DDX60L: variants seen among roughly 807,000 people sequenced by gnomAD.
DDX60L encodes the protein probable ATP-dependent RNA helicase DDX60-like.
A neutral mutation model predicts 211.6 loss-of-function variants in DDX60L; 191 were observed. That is an observed-to-expected ratio of 0.90 (90% CI 0.80 to 1.02). The LOEUF is 1.02. Ranked by LOEUF, DDX60L falls within the 50% of genes least tolerant of loss-of-function variation. DDX60L has a pLI of 0.00. For missense variants in DDX60L, 2,007 were observed against 1,984.1 expected (o/e 1.01, Z -0.22); for synonymous variants, 706 against 694.1 (o/e 1.02, Z -0.27).
intron 20 of DDX60L, 77 bp downstream of exon 20, chr4:168,416,605 A>T: frequency 1.3e-6 from 1 of 774,852 alleles, no homozygotes; most frequent in Non-Finnish European, 1.9e-6. Context: ...AAAAAACCTT[A>T]AAGACTTCAG....
chr4:168,375,465 T>C lies in DDX60L; in HGVS notation c.4545A>G (p.Ala1515=), dbSNP rs749928452. 6.2e-7 allele frequency: 1 copy of C among 1,613,124 alleles called. No homozygotes were observed. Reference sequence around the variant, plus strand: ...GGAAGGAGGCAAAATCCTTCATTACTGCCAGGTTATACTCATATAAAGCAG... The same window carrying C: ...GGAAGGAGGCAAAATCCTTCATTACCGCCAGGTTATACTCATATAAAGCAG... ...FKAALYEYNL[A]VMKDFASFLL... Residue 1515 remains alanine (A), a synonymous_variant, in exon 34 of 38, where the codon GCA becomes GCG. Coordinates refer to ENST00000682922, the MANE Select transcript of DDX60L (RefSeq NM_001012967.3).
At chr4:168,427,445 C>A in intron 13 of DDX60L, 123 bp from the exon 14 acceptor site, 6 of 1,058,558 alleles carry the variant, frequency 5.7e-6, no homozygotes, top group Non-Finnish European at 6.7e-6. Context: ...CGTGCACAGG[C>A]AAGAATTCTT....
At chr4:168,388,688 A>AT (rs1744296172) in intron 29 of DDX60L, among the ~76,000 whole-genome samples, 1 of 152,210 alleles carries the variant, frequency 6.6e-6, no homozygotes, top group Non-Finnish European at 1.5e-5. Context: ...CTAGGACCAG[A>AT]TTCCCCCATA....
intron 9 of DDX60L, among the ~76,000 whole-genome samples, chr4:168,443,332 G>A (rs1419410010): frequency 2.0e-5 from 3 of 151,930 alleles, no homozygotes; most frequent in Admixed American, 1.3e-4. Flanking sequence ...AGAGAAAAAA[G>A]AATAAAAAGA....
intron 30 of DDX60L, among the ~76,000 whole-genome samples, chr4:168,383,517 T>C (rs552369983): frequency 6.6e-6 from 1 of 152,344 alleles, no homozygotes; most frequent in East Asian, 1.9e-4. Flanking sequence ...TAACATTGAT[T>C]TGTGATTGGC....
intron 4 of DDX60L, chr4:168,468,796 C>G (rs891083293): frequency 3.3e-5 from 5 of 152,004 alleles, no homozygotes; most frequent in Non-Finnish European, 7.4e-5. Context: ...AGTTAACAAA[C>G]AAAAATCAAT....
chr4:168,361,038 A>G, intron 37 of DDX60L, 111 bp downstream of exon 37: 2 of 793,234 alleles, frequency 2.5e-6, no homozygotes, highest in South Asian at 1.7e-5. Context: ...GCTCAATAGT[A>G]TCTTCAGAGT....
In DDX60L at chr4:168,419,305, A is replaced by G; in HGVS notation, c.2607T>C (p.Asp869=). The change falls in exon 19 of 38, where the codon GAT becomes GAC. Residue 869 remains aspartate, a synonymous_variant. Transcript: ENST00000682922. ...AGAGAACTAACACCAAACCTACCTC[A>G]TCAAATATAACATATCTGATCCTTT... ...WVERIRYVIF[D]EVHYLGREVG... 1.3e-6 allele frequency: 2 copies of G among 1,588,602 alleles called. No individual in the cohort carries two copies. Among genetic ancestry groups the G allele is most frequent in the Non-Finnish European group, 1.7e-6 (2 of 1,165,332 alleles).
chr4:168,404,471 A>C (rs1025858172), intron 24 of DDX60L, among the ~76,000 whole-genome samples: 24 of 152,216 alleles, frequency 1.6e-4, no homozygotes, highest in Admixed American at 1.2e-3. Context: ...TATGTTAAGG[A>C]GTATATAAAA....
chr4:168,408,254 C>A (rs4692658), intron 22 of DDX60L, among the ~76,000 whole-genome samples: 83,796 of 151,988 alleles, frequency 0.55, 23,577 homozygotes, highest in Middle Eastern at 0.63. Context: ...TTTCCCGTCT[C>A]TAAAATGGGA....
intron 9 of DDX60L, among the ~76,000 whole-genome samples, chr4:168,447,664 C>T (rs1259588792): frequency 1.7e-4 from 26 of 151,194 alleles, no homozygotes; most frequent in African/African-American, 4.6e-4. Context: ...TAAGAAAATG[C>T]GGCACATATA....
At chr4:168,371,977 A>G (rs549035629) in intron 35 of DDX60L, among the ~76,000 whole-genome samples, 35 of 152,314 alleles carry the variant, frequency 2.3e-4, no homozygotes, top group African/African-American at 7.5e-4. Context: ...GGCCACTGTG[A>G]CACTAAGCAT....
intron 11 of DDX60L, 31 bp from the exon 12 acceptor site, chr4:168,432,601 T>C: frequency 7.4e-7 from 1 of 1,342,374 alleles, no homozygotes; most frequent in Non-Finnish European, 1.0e-6. Context: ...TTTTTTTAAA[T>C]TTTAAGCTTT....
At chr4:168,399,663 T>C (rs1579384607) in intron 26 of DDX60L, among the ~76,000 whole-genome samples, 2 of 151,782 alleles carry the variant, frequency 1.3e-5, no homozygotes, top group Non-Finnish European at 2.9e-5. Context: ...AAATAACAAA[T>C]GGCAAGGACC....
chr4:168,474,545 A>T (rs183090594), intron 1 of DDX60L, among the ~76,000 whole-genome samples: 2 of 152,198 alleles, frequency 1.3e-5, no homozygotes, highest in East Asian at 3.8e-4. Context: ...AAGATACTGA[A>T]TCTATGAAAT....
intron 6 of DDX60L, among the ~76,000 whole-genome samples, chr4:168,457,338 T>C (rs1231518024): frequency 6.6e-6 from 1 of 151,194 alleles, no homozygotes; most frequent in Non-Finnish European, 1.5e-5. Flanking sequence ...CACAAAAATA[T>C]ATGTTAAAAC....
At chr4:168,403,016 C>T (rs1245671694) in intron 25 of DDX60L, among the ~76,000 whole-genome samples, 1 of 152,142 alleles carries the variant, frequency 6.6e-6, no homozygotes, top group Non-Finnish European at 1.5e-5. Flanking sequence ...TCAGCCATTC[C>T]TCAGTGATAT....
At chr4:168,420,431 T>A in intron 17 of DDX60L, 51 bp from the exon 18 acceptor site, 1 of 1,547,864 alleles carries the variant, frequency 6.5e-7, no homozygotes, top group Admixed American at 2.1e-5. Context: ...AAGAGACATA[T>A]AAAACCTTGA....
In DDX60L at chr4:168,400,978, C is replaced by T; in HGVS notation, c.3339G>A (p.Leu1113=). 6.2e-7 allele frequency: 1 copy of T among 1,609,884 alleles called. No homozygotes were observed. Among genetic ancestry groups the T allele is most frequent in the South Asian group, 1.1e-5 (1 of 89,910 alleles). Residue 1113 remains leucine (L), a splice_region_variant and synonymous_variant, in exon 26 of 38, where the codon TTG becomes TTA. Transcript: ENST00000682922. ...QMDKLPAIFF[L]FKNDDVGKRA... ...TTTTTCCCACATCATCATTCTTAAA[C>T]CTTAAAACAAATGAAAACAGTGCTT...
Sources: allele counts gnomAD v4.1 joint callset (sites outside exome capture counted in the v4.1 genomes callset), GRCh38; gene constraint gnomAD v4.1.1; transcripts MANE v1.5; gene names NCBI Gene and HGNC (gene_info 2026-07-23, HGNC 2026-07-21).